The following ABHD10 variants were observed in gnomAD, a reference collection of about 807,000 sequenced individuals.
ABHD10 encodes abhydrolase domain containing 10, depalmitoylase.
A neutral mutation model predicts 33.1 loss-of-function variants in ABHD10; 22 were observed. That is an observed-to-expected ratio of 0.66 (90% CI 0.47 to 0.95). The LOEUF is 0.95. ABHD10 is among the 40% of genes least tolerant of loss of function. ABHD10 has a pLI of 0.00. For missense variants in ABHD10, 352 were observed against 379.9 expected (o/e 0.93, Z 0.61); for synonymous variants, 146 against 133.9 (o/e 1.09, Z -0.62).
At chr3:111,987,114 CT>C in intron 4 of ABHD10, 63 bp downstream of exon 4, 1 of 1,563,120 alleles carries the variant, frequency 6.4e-7, no homozygotes. Flanking sequence ...TCTGCTCCCT[CT>C]TTCTTTGAGG....
At chr3:111,981,685 T>A in intron 1 of ABHD10, 99 bp from the exon 2 acceptor site, 1 of 1,082,348 alleles carries the variant, frequency 9.2e-7, no homozygotes, top group Non-Finnish European at 1.3e-6. Flanking sequence ...GTATTTAACA[T>A]CAATTCATTG....
chr3:111,980,893 T>C (rs1423698825), intron 1 of ABHD10, among the ~76,000 whole-genome samples: 3 of 151,946 alleles, frequency 2.0e-5, no homozygotes, highest in Non-Finnish European at 4.4e-5. Context: ...TTGGTTGAGG[T>C]AGGCGGATGG....
At chr3:111,990,796 T>C in intron 4 of ABHD10, 1 of 1,085,194 alleles carries the variant, frequency 9.2e-7, no homozygotes, top group Non-Finnish European at 1.2e-6. Flanking sequence ...ATTTTTTTAT[T>C]CTTAGTTCTG....
Position 111,986,925 on chromosome 3 carries a change from A to G in ABHD10, c.450A>G (p.Gly150=). 3 of 1,597,772 alleles carry G rather than the reference A, an allele frequency of 1.9e-6. No homozygotes were observed. In the African/African-American group the frequency reaches 4.1e-5, roughly 22 times the overall value. The change falls in exon 4 of 5, where the codon GGA becomes GGG. Residue 150 remains glycine (G), a synonymous_variant. Coordinates refer to ENST00000273359, the MANE Select transcript of ABHD10 (RefSeq NM_018394.4). Reference sequence around the variant, plus strand: ...TATTTTATTTTTAGATTCTTGTTGGATCTAGCCTTGGAGGGTGGCTTATGC... The same window carrying G: ...TATTTTATTTTTAGATTCTTGTTGGGTCTAGCCTTGGAGGGTGGCTTATGC... ...DLADGPQILV[G]SSLGGWLMLH...
At chr3:111,986,215 A>G (rs1385487012) in intron 2 of ABHD10, 49 bp from the exon 3 acceptor site, 5 of 1,013,950 alleles carry the variant, frequency 4.9e-6, no homozygotes, top group East Asian at 2.5e-5. Context: ...AAAATTAAAG[A>G]AGCAGATATA....
intron 4 of ABHD10, chr3:111,990,730 C>T (rs1441160515): frequency 4.9e-6 from 7 of 1,423,050 alleles, no homozygotes; most frequent in African/African-American, 1.5e-5. Flanking sequence ...TATTTCTTTA[C>T]ATTCAGCCTA....
At position 111,992,705 on chromosome 3, in the gene ABHD10, C is replaced by T. The variant is rs2072757318; in HGVS notation, c.*984C>T. The T allele has an allele frequency of 1.3e-5, 2 of 151,978 alleles. No individual in the cohort carries two copies. Among genetic ancestry groups the T allele is most frequent in the South Asian group, 4.1e-4 (2 of 4,822 alleles). The allele number at this position is 151,978 out of a possible 1,614,324, so 9.4% of individuals were successfully genotyped here. A position where few individuals can be genotyped will look rare whatever the true frequency, so the allele number is the denominator to read the frequency against. On this transcript the variant is annotated 3_prime_UTR_variant, in exon 5 of 5. Transcript: ENST00000273359. ...CTTGATTAGGTTATTATCTGTCAAA[C>T]CTTTTAAGTTGACAACATGACTCAT... is the stretch of plus-strand genomic sequence containing the variant.
At position 111,986,346 on chromosome 3, in the gene ABHD10, A is replaced by G. The variant is rs752651720; in HGVS notation, c.409A>G (p.Ile137Val). ...GAAATGGAGAAAAGATGTTCTTTCT[A>G]TAATTGATGACTTAGCTGATGGGCC... Reference protein sequence around the residue: ...LGKWRKDVLSIIDDLADGPQI... With the variant: ...LGKWRKDVLSVIDDLADGPQI... Residue 137 changes from isoleucine (I) to valine (V), a missense_variant, in exon 3 of 5, where the codon ATA becomes GTA. Physicochemically the swap from Ile to Val is conservative, Grantham distance 29. Transcript: ENST00000273359. 3.7e-6 allele frequency: 6 copies of G among 1,613,794 alleles called. No homozygotes were observed. The East Asian group carries it at 6.7e-5, about 18-fold the overall frequency.
Position 111,991,685 on chromosome 3 carries a change from T to C in ABHD10, c.885T>C (p.Asp295=), listed in dbSNP as rs149058527. ...TTCAACTTCTTGTTTACACTATTGA[T>C]GACTTAATTGATAAGCTCTCAACTA... The part of the protein sequence containing the change: ...ADIQLLVYTI[D]DLIDKLSTIV... Residue 295 remains aspartate, a synonymous_variant, in exon 5 of 5, where the codon GAT becomes GAC. Transcript: ENST00000273359. 2.4e-3 allele frequency: 3,931 copies of C among 1,613,852 alleles called. 12 individuals carry two copies. Among genetic ancestry groups the C allele is most frequent in the Non-Finnish European group, 2.8e-3 (3,304 of 1,179,860 alleles).
intron 4 of ABHD10, among the ~76,000 whole-genome samples, chr3:111,989,677 T>C (rs1302805411): frequency 1.3e-5 from 2 of 152,328 alleles, no homozygotes; most frequent in East Asian, 3.9e-4. Context: ...ATCTTTACTT[T>C]AAATATTTGG....
At chr3:111,983,782 A>G (rs1397452590) in intron 2 of ABHD10, among the ~76,000 whole-genome samples, 1 of 152,182 alleles carries the variant, frequency 6.6e-6, no homozygotes, top group African/African-American at 2.4e-5. Flanking sequence ...TCAGGAATAT[A>G]ACATATGGTT....
chr3:111,989,733 A>C (rs890162792), intron 4 of ABHD10, among the ~76,000 whole-genome samples: 4 of 152,090 alleles, frequency 2.6e-5, no homozygotes, highest in Admixed American at 1.3e-4. Flanking sequence ...ATTGATATAG[A>C]TTTATATACA....
In ABHD10 at chr3:111,991,686, G is replaced by T. The variant is rs1341637537; in HGVS notation, c.886G>T (p.Asp296Tyr). 1 of 1,613,756 alleles carries T rather than the reference G, an allele frequency of 6.2e-7. No individual in the cohort carries two copies. Among genetic ancestry groups the T allele is most frequent in the South Asian group, 1.1e-5 (1 of 90,992 alleles). ...DIQLLVYTID[D>Y]LIDKLSTIVN ...TCAACTTCTTGTTTACACTATTGATGACTTAATTGATAAGCTCTCAACTAT... is the reference window on the plus strand; with the variant it reads ...TCAACTTCTTGTTTACACTATTGATTACTTAATTGATAAGCTCTCAACTAT... The change falls in exon 5 of 5, where the codon GAC becomes TAC. Residue 296 changes from aspartate to tyrosine, a missense_variant. By Grantham distance (160) the Asp-to-Tyr change is radical (BLOSUM62 -3). Coordinates refer to ENST00000273359, the MANE Select transcript of ABHD10 (RefSeq NM_018394.4).
rs1486244093 is a variant in ABHD10, at chr3:111,991,653, GCAGA to G, written c.856_859del (p.Asp286PhefsTer11). ...CAGTGATCACCGAATGAGGGAAAAAGCAGACATTCAACTTCTTGTTTACACTATT... is the reference window on the plus strand; with the variant it reads ...CAGTGATCACCGAATGAGGGAAAAAGCATTCAACTTCTTGTTTACACTATT... On this transcript the variant is annotated frameshift_variant, in exon 5 of 5. Transcript: ENST00000273359. LOFTEE classifies it high-confidence loss of function. 8 of 1,614,010 alleles carry G rather than the reference GCAGA, an allele frequency of 5.0e-6. No homozygotes were observed. Among genetic ancestry groups the G allele is most frequent in the Non-Finnish European group, 6.8e-6 (8 of 1,179,920 alleles).
intron 4 of ABHD10, among the ~76,000 whole-genome samples, chr3:111,991,145 A>G (rs934984503): frequency 4.6e-5 from 7 of 152,220 alleles, no homozygotes; most frequent in Non-Finnish European, 1.0e-4. Context: ...ATCCTCTTTT[A>G]TAAAAATAGA....
intron 4 of ABHD10, among the ~76,000 whole-genome samples, chr3:111,990,961 A>G (rs1308966567): frequency 2.0e-5 from 3 of 152,170 alleles, no homozygotes; most frequent in Non-Finnish European, 4.4e-5. Context: ...AAGAAATTGT[A>G]GTGCTTTTCT....
chr3:111,987,916 A>T (rs1030395736), intron 4 of ABHD10, among the ~76,000 whole-genome samples: 7 of 152,308 alleles, frequency 4.6e-5, no homozygotes, highest in Admixed American at 3.9e-4. Context: ...GTAGTTAAAA[A>T]ATATGGTCCC....
intron 4 of ABHD10, among the ~76,000 whole-genome samples, chr3:111,990,528 T>A (rs2072726601): frequency 6.6e-6 from 1 of 151,892 alleles, no homozygotes; most frequent in South Asian, 2.1e-4. Context: ...CTAATTTTTT[T>A]AGAAAAATTA....
chr3:111,980,917 TG>T (rs1226146826), intron 1 of ABHD10, among the ~76,000 whole-genome samples: 2 of 152,208 alleles, frequency 1.3e-5, no homozygotes, highest in East Asian at 3.9e-4. Context: ...GGCGGGTGGA[TG>T]GGAGTCAGTA....
Sources: gnomAD v4.1 joint callset for allele counts (sites outside exome capture counted in the v4.1 genomes callset) on GRCh38, gnomAD v4.1.1 for gene constraint, MANE v1.5 for transcripts, NCBI Gene and HGNC (gene_info 2026-07-23, HGNC 2026-07-21) for gene names.